The following PCDH15 variants were observed in gnomAD, a reference collection of about 807,000 sequenced individuals.
The protein encoded by PCDH15 is protocadherin related 15, also known as protocadherin-15.
PCDH15 carries 129 observed loss-of-function variants against 178.5 expected under a neutral mutation model. That is an observed-to-expected ratio of 0.72 (90% confidence interval 0.63 to 0.84). The LOEUF is 0.84. PCDH15 is among the 40% of genes least tolerant of loss of function. The probability of loss-of-function intolerance (pLI) is 0.00; values close to 1 mark genes in which losing one functional copy is unlikely to be tolerated. For synonymous variants in PCDH15, 800 were observed against 732.0 expected (o/e 1.09, Z -1.50); for missense variants, 2,230 against 2,099.9 (o/e 1.06, Z -1.21).
intron 25 of PCDH15, among the ~76,000 whole-genome samples, chr10:53,928,416 T>C (rs1184699122): frequency 6.6e-6 from 1 of 152,080 alleles, no homozygotes; most frequent in Non-Finnish European, 1.5e-5. Flanking sequence ...AGCAAGTTAT[T>C]ACTTTAAGTG....
intron 3 of PCDH15, among the ~76,000 whole-genome samples, chr10:54,453,389 C>T (rs564876923): frequency 6.6e-6 from 1 of 152,058 alleles, no homozygotes; most frequent in African/African-American, 2.4e-5. Flanking sequence ...TCATCCTCAG[C>T]AAACTATCGC....
intron 2 of PCDH15, among the ~76,000 whole-genome samples, chr10:55,033,375 C>A (rs955787095): frequency 1.3e-5 from 2 of 152,152 alleles, no homozygotes; most frequent in Non-Finnish European, 2.9e-5. Context: ...TAATAGGGTC[C>A]TCTGGGGCAT....
At chr10:55,477,015 G>T (rs1050237873) in intron 2 of PCDH15, among the ~76,000 whole-genome samples, 2 of 151,750 alleles carry the variant, frequency 1.3e-5, no homozygotes, top group South Asian at 4.1e-4. Context: ...AAGTGCCAAG[G>T]TTATGTTATA....
At chr10:54,359,410 T>A (rs896247262) in intron 5 of PCDH15, among the ~76,000 whole-genome samples, 6 of 151,972 alleles carry the variant, frequency 3.9e-5, no homozygotes, top group Admixed American at 3.3e-4. Flanking sequence ...ATGGGACATA[T>A]GAGAACTGTA....
chr10:54,320,329 C>T (rs1423608758), intron 7 of PCDH15, among the ~76,000 whole-genome samples: 3 of 151,842 alleles, frequency 2.0e-5, no homozygotes, highest in East Asian at 3.9e-4. Context: ...GTTTTTCTTC[C>T]CTTAGAAGCC....
chr10:54,663,178 A>G (rs1360771550), intron 2 of PCDH15, among the ~76,000 whole-genome samples: 3 of 151,952 alleles, frequency 2.0e-5, no homozygotes, highest in Admixed American at 6.6e-5. Flanking sequence ...TGAAAAAGCC[A>G]GACTAATTCA....
chr10:54,043,534 T>G (rs1205851055), intron 18 of PCDH15, among the ~76,000 whole-genome samples: 3 of 151,922 alleles, frequency 2.0e-5, no homozygotes, highest in Non-Finnish European at 4.4e-5. Context: ...ACTACAGGTA[T>G]GCACCAACAT....
At chr10:55,168,434 G>C (rs548404615) in intron 1 of PCDH15, among the ~76,000 whole-genome samples, 3 of 152,264 alleles carry the variant, frequency 2.0e-5, no homozygotes, top group South Asian at 2.1e-4. Flanking sequence ...AACCACAATA[G>C]GAGGAAAGTT....
chr10:54,948,588 A>C (rs1838250715), intron 2 of PCDH15, among the ~76,000 whole-genome samples: 1 of 151,912 alleles, frequency 6.6e-6, no homozygotes. Context: ...CAATCTGTTG[A>C]GGATCCCAAA....
chr10:54,604,060 C>T (rs116539807), intron 2 of PCDH15, among the ~76,000 whole-genome samples: 1,925 of 120,342 alleles, frequency 0.016, 43 homozygotes, highest in African/African-American at 0.056. Context: ...TATTGTTTAG[C>T]TTCCATGTAT....
At chr10:54,513,629 A>G (rs1021555118) in intron 3 of PCDH15, among the ~76,000 whole-genome samples, 3 of 152,230 alleles carry the variant, frequency 2.0e-5, no homozygotes, top group African/African-American at 2.4e-5. Flanking sequence ...ATTTTTATAC[A>G]TGCAAGGTGA....
At chr10:54,897,143 C>T (rs1954559795) in intron 3 of PCDH15, among the ~76,000 whole-genome samples, 1 of 152,116 alleles carries the variant, frequency 6.6e-6, no homozygotes, top group Admixed American at 6.5e-5. Flanking sequence ...CCACATAATA[C>T]GTTGGCAAGA....
At chr10:54,772,957 C>A (rs1949270476) in intron 1 of PCDH15, among the ~76,000 whole-genome samples, 1 of 152,076 alleles carries the variant, frequency 6.6e-6, no homozygotes, top group African/African-American at 2.4e-5. Context: ...AGATCATGAC[C>A]TTTGAAGGGA....
At position 54,079,384 on chromosome 10, in the gene PCDH15, T is replaced by C; in HGVS notation, c.2038A>G (p.Ser680Gly). 1 of 1,614,104 alleles carries C rather than the reference T, an allele frequency of 6.2e-7. No homozygotes were observed. The highest frequency in any genetic ancestry group is 2.2e-5 in the East Asian group (1 of 44,874). ...LTLGKALDRE[S>G]TDRYILIITA... ...ATGATCAGAATGTAGCGATCAGTGCTTTCCCTGTCCAGTGCTTTCCCTAAG... is the reference window on the plus strand; with the variant it reads ...ATGATCAGAATGTAGCGATCAGTGCCTTCCCTGTCCAGTGCTTTCCCTAAG... Residue 680 changes from serine (S) to glycine (G), a missense_variant, in exon 17 of 38, where the codon AGC becomes GGC. Physicochemically the swap from Ser to Gly is moderately conservative, Grantham distance 56. Coordinates refer to ENST00000644397, the MANE Select transcript of PCDH15 (RefSeq NM_001384140.1).
At chr10:55,447,249 T>C (rs919309951) in intron 2 of PCDH15, among the ~76,000 whole-genome samples, 1 of 152,028 alleles carries the variant, frequency 6.6e-6, no homozygotes, top group African/African-American at 2.4e-5. Context: ...TAAGTATTGT[T>C]AATAGCAACA....
chr10:54,849,039 T>TA (rs75232525), intron 3 of PCDH15, among the ~76,000 whole-genome samples: 24,326 of 152,094 alleles, frequency 0.16, 2,398 homozygotes, highest in East Asian at 0.25. Flanking sequence ...CTATAAAATT[T>TA]AAAAAAAATT....
At chr10:54,460,029 C>A (rs1468363036) in intron 3 of PCDH15, among the ~76,000 whole-genome samples, 3 of 152,068 alleles carry the variant, frequency 2.0e-5, no homozygotes, top group Admixed American at 6.6e-5. Context: ...CATACCCAAG[C>A]TGTTCTTTTC....
At chr10:55,466,533 C>T (rs1458428946) in intron 2 of PCDH15, among the ~76,000 whole-genome samples, 2 of 152,016 alleles carry the variant, frequency 1.3e-5, no homozygotes, top group Admixed American at 6.6e-5. Flanking sequence ...ACCATTTTGC[C>T]GATGAGGAAA....
At chr10:53,944,372 A>G (rs912706981) in intron 23 of PCDH15, among the ~76,000 whole-genome samples, 4 of 152,172 alleles carry the variant, frequency 2.6e-5, no homozygotes, top group African/African-American at 7.2e-5. Context: ...GTGAGTTATC[A>G]TTCACTCTTC....
Sources: gnomAD v4.1 joint callset for allele counts (sites outside exome capture counted in the v4.1 genomes callset) on GRCh38, gnomAD v4.1.1 for gene constraint, MANE v1.5 for transcripts, NCBI Gene and HGNC (gene_info 2026-07-23, HGNC 2026-07-21) for gene names.